PLCB1: variants seen among roughly 807,000 people sequenced by gnomAD.
PLCB1 encodes 1-phosphatidylinositol 4,5-bisphosphate phosphodiesterase beta-1.
Under a neutral mutation model 161.8 loss-of-function variants are expected in PLCB1, and 46 were observed. The observed-to-expected ratio is 0.28, with a 90% confidence interval of 0.22 to 0.36. The LOEUF (loss-of-function observed/expected upper bound fraction) is 0.36. PLCB1 is among the 10% of genes least tolerant of loss of function. PLCB1 has a pLI of 1.00. For synonymous variants in PLCB1, 517 were observed against 503.7 expected, an observed-to-expected ratio of 1.03 and a Z score of -0.35; for missense variants, 1,016 against 1,472.5, an observed-to-expected ratio of 0.69 and a Z score of 5.07.
At chr20:8,210,601 A>G (rs774611434) in intron 2 of PLCB1, among the ~76,000 whole-genome samples, 2 of 152,096 alleles carry the variant, frequency 1.3e-5, no homozygotes, top group Non-Finnish European at 2.9e-5. Flanking sequence ...AAACTTAGAA[A>G]GGTTCAGAAT....
chr20:8,350,931 C>A (rs1986158922), intron 2 of PLCB1, among the ~76,000 whole-genome samples: 1 of 152,068 alleles, frequency 6.6e-6, no homozygotes, highest in African/African-American at 2.4e-5. Context: ...ATTTTTTTCA[C>A]ATTGAACCAC....
At chr20:8,376,944 AAGAAAG>A (rs1196106271) in intron 3 of PLCB1, among the ~76,000 whole-genome samples, 2 of 151,944 alleles carry the variant, frequency 1.3e-5, no homozygotes, top group South Asian at 2.1e-4. Context: ...AAAAAAGAAA[AAGAAAG>A]AGAAAGAGAA....
chr20:8,860,605 A>G (rs773874930), intron 31 of PLCB1, among the ~76,000 whole-genome samples: 10 of 152,346 alleles, frequency 6.6e-5, no homozygotes, highest in Admixed American at 5.2e-4. Flanking sequence ...ATAAATATTC[A>G]TTAGTTATTT....
At position 8,774,667 on chromosome 20, in the gene PLCB1, G is replaced by A. The variant is rs758283980; in HGVS notation, c.3059G>A (p.Arg1020Gln). ...CAACAGCAGCAGCTGCTTAATCTTC[G>A]GCAAGAACAGTATTATAGTGAAAAA... ...DKQQQQLLNL[R>Q]QEQYYSEKYQ... The change falls in exon 27 of 32, where the codon CGG (arginine) becomes CAG (glutamine). Residue 1020 changes from arginine (R) to glutamine (Q), a missense_variant. Arg to Gln is a conservative substitution (Grantham distance 43, BLOSUM62 1). This residue lies in a region of PLCB1 where 398 missense variants were observed against 445.4 expected (regional missense o/e 0.89). Coordinates refer to ENST00000338037, the MANE Select transcript of PLCB1 (RefSeq NM_015192.4). 28 of 1,613,640 alleles carry A rather than the reference G, an allele frequency of 1.7e-5. No homozygotes were observed. The South Asian group carries it at 1.9e-4, about 11-fold the overall frequency.
At chr20:8,240,433 G>A (rs1466755977) in intron 2 of PLCB1, among the ~76,000 whole-genome samples, 4 of 151,792 alleles carry the variant, frequency 2.6e-5, no homozygotes, top group Admixed American at 2.6e-4. Flanking sequence ...TATGCCTAGA[G>A]CTACTTCACT....
intron 2 of PLCB1, among the ~76,000 whole-genome samples, chr20:8,175,249 A>G (rs1417833878): frequency 1.3e-5 from 2 of 152,162 alleles, no homozygotes; most frequent in Non-Finnish European, 2.9e-5. Context: ...GAGTAAATAA[A>G]TGGAAAACAA....
intron 2 of PLCB1, among the ~76,000 whole-genome samples, chr20:8,356,833 G>A (rs541776958): frequency 1.3e-5 from 2 of 152,184 alleles, no homozygotes; most frequent in South Asian, 2.1e-4. Flanking sequence ...TTAGGCTAAA[G>A]GTATACAGAG....
chr20:8,462,452 T>C (rs1257154725), intron 3 of PLCB1, among the ~76,000 whole-genome samples: 1 of 152,186 alleles, frequency 6.6e-6, no homozygotes, highest in Non-Finnish European at 1.5e-5. Context: ...AGAGAACAGA[T>C]TGATTTTGTT....
intron 2 of PLCB1, among the ~76,000 whole-genome samples, chr20:8,208,624 C>A (rs1310481690): frequency 6.6e-6 from 1 of 151,482 alleles, no homozygotes; most frequent in Non-Finnish European, 1.5e-5. Context: ...CATCTGTTTC[C>A]TAGATGTCAT....
intron 31 of PLCB1, among the ~76,000 whole-genome samples, chr20:8,871,405 T>C (rs1600106381): frequency 6.6e-6 from 1 of 152,292 alleles, no homozygotes; most frequent in Middle Eastern, 3.4e-3. Flanking sequence ...ACTAAAGGTA[T>C]TGGCAGATTC....
At chr20:8,391,785 G>GTGTATA (rs1402416425) in intron 3 of PLCB1, among the ~76,000 whole-genome samples, 1 of 115,160 alleles carries the variant, frequency 8.7e-6, no homozygotes, top group Admixed American at 9.9e-5. Context: ...ATATGTGTGT[G>GTGTATA]TATATATATA....
At chr20:8,879,214 C>T (rs1238250833) in intron 31 of PLCB1, among the ~76,000 whole-genome samples, 3 of 151,430 alleles carry the variant, frequency 2.0e-5, no homozygotes, top group Non-Finnish European at 4.4e-5. Context: ...CATTAATGGG[C>T]ACCTAGGTTG....
chr20:8,688,972 C>G (rs1203340785), intron 10 of PLCB1, among the ~76,000 whole-genome samples: 2 of 152,166 alleles, frequency 1.3e-5, no homozygotes, highest in Admixed American at 1.3e-4. Context: ...TCTACCCATC[C>G]ATGAGCATGG....
intron 31 of PLCB1, among the ~76,000 whole-genome samples, chr20:8,794,404 C>T (rs939616000): frequency 2.0e-5 from 3 of 152,178 alleles, no homozygotes; most frequent in African/African-American, 7.2e-5. Flanking sequence ...CTTCACAATC[C>T]ACGTTCTTCT....
rs533145306 is a variant in PLCB1, at chr20:8,582,880, T to C, written c.247-45414T>C. Among the ~76,000 whole-genome samples the C allele has an allele frequency of 4.0e-5, 6 of 151,650 alleles. 2 individuals carry two copies. The highest frequency in any genetic ancestry group is 1.5e-4 in the African/African-American group (6 of 41,292). On this transcript the variant is annotated intron_variant, in intron 3 of 31. Coordinates refer to ENST00000338037, the MANE Select transcript of PLCB1 (RefSeq NM_015192.4). The stretch of plus-strand genomic sequence containing the variant: ...GGCACATGCTTGTAATCCCAGCTAC[T>C]TGGGAAGCAGAAGCAGGAGGATTGC...
intron 11 of PLCB1, among the ~76,000 whole-genome samples, chr20:8,703,289 C>G (rs1419823880): frequency 6.6e-6 from 1 of 152,212 alleles, no homozygotes; most frequent in Non-Finnish European, 1.5e-5. Context: ...GCAGTGCCTA[C>G]TCTATAAATG....
intron 31 of PLCB1, among the ~76,000 whole-genome samples, chr20:8,869,972 A>G (rs1385366173): frequency 6.6e-6 from 1 of 152,250 alleles, no homozygotes; most frequent in Non-Finnish European, 1.5e-5. Flanking sequence ...TGCCATAGGA[A>G]TAGGAGTGAA....
chr20:8,507,033 T>C (rs1028010692), intron 3 of PLCB1, among the ~76,000 whole-genome samples: 1 of 152,130 alleles, frequency 6.6e-6, no homozygotes, highest in East Asian at 1.9e-4. Flanking sequence ...AATAACATAG[T>C]CAATTAACAC....
At chr20:8,315,040 G>A (rs1414415685) in intron 2 of PLCB1, among the ~76,000 whole-genome samples, 1 of 152,146 alleles carries the variant, frequency 6.6e-6, no homozygotes, top group Non-Finnish European at 1.5e-5. Context: ...AAGCCAACAG[G>A]GAAGGAAGGA....
Sources: allele counts gnomAD v4.1 joint callset (sites outside exome capture counted in the v4.1 genomes callset), GRCh38; gene constraint gnomAD v4.1.1; regional missense constraint gnomAD v4.1.1; transcripts MANE v1.5; gene names NCBI Gene and HGNC (gene_info 2026-07-23, HGNC 2026-07-21).